The following SGCZ variants were observed in gnomAD, a reference collection of about 807,000 sequenced individuals.
SGCZ encodes the protein sarcoglycan zeta, also known as zeta-sarcoglycan.
SGCZ carries 40 observed loss-of-function variants against 41.3 expected under a neutral mutation model. The observed-to-expected ratio is 0.97, with a 90% CI of 0.75 to 1.26. SGCZ has a LOEUF of 1.26. Ranked by LOEUF, SGCZ falls within the 50% of genes most tolerant of loss-of-function variation. The pLI is 0.00. For missense variants in SGCZ, 552 were observed against 369.8 expected (o/e 1.49, Z -4.04); for synonymous variants, 206 against 137.5 (o/e 1.50, Z -3.49).
At chr8:14,525,866 T>A (rs988775216) in intron 2 of SGCZ, among the ~76,000 whole-genome samples, 1 of 152,086 alleles carries the variant, frequency 6.6e-6, no homozygotes, top group South Asian at 2.1e-4. Context: ...TCCTGGGGCA[T>A]CATTATTCAC....
At chr8:14,165,539 C>T (rs1166525394) in intron 4 of SGCZ, among the ~76,000 whole-genome samples, 1 of 152,060 alleles carries the variant, frequency 6.6e-6, no homozygotes. Context: ...AATTCATCTT[C>T]CCATAATTCA....
chr8:14,354,462 A>C (rs904673401), intron 2 of SGCZ, among the ~76,000 whole-genome samples: 1 of 151,928 alleles, frequency 6.6e-6, no homozygotes, highest in Non-Finnish European at 1.5e-5. Flanking sequence ...AACAAAAATT[A>C]GTACTCTTGT....
At chr8:14,533,083 A>G (rs556769311) in intron 2 of SGCZ, among the ~76,000 whole-genome samples, 36 of 151,974 alleles carry the variant, frequency 2.4e-4, no homozygotes, top group African/African-American at 7.5e-4. Flanking sequence ...CCATGTTGGT[A>G]TGCTGCACCC....
chr8:14,603,980 A>G (rs1462148439), intron 1 of SGCZ, among the ~76,000 whole-genome samples: 4 of 152,176 alleles, frequency 2.6e-5, no homozygotes, highest in African/African-American at 9.7e-5. Flanking sequence ...CTATGTGAAA[A>G]AAATAGCAAA....
At chr8:15,225,712 G>A (rs576109232) in intron 1 of SGCZ, among the ~76,000 whole-genome samples, 7 of 152,260 alleles carry the variant, frequency 4.6e-5, no homozygotes, top group Non-Finnish European at 8.8e-5. Flanking sequence ...AGTATGGGAT[G>A]TGACTTGCTT....
chr8:14,692,769 G>A (rs918045390), intron 1 of SGCZ, among the ~76,000 whole-genome samples: 5 of 151,932 alleles, frequency 3.3e-5, no homozygotes, highest in South Asian at 2.1e-4. Flanking sequence ...TGTATCTTTC[G>A]GAGTTCAGAG....
At chr8:14,389,556 T>C (rs553564012) in intron 2 of SGCZ, among the ~76,000 whole-genome samples, 1 of 151,694 alleles carries the variant, frequency 6.6e-6, no homozygotes, top group African/African-American at 2.4e-5. Context: ...CAACGGAATG[T>C]ATCAAACCTG....
At chr8:14,508,315 T>C (rs927180375) in intron 2 of SGCZ, among the ~76,000 whole-genome samples, 3 of 152,130 alleles carry the variant, frequency 2.0e-5, no homozygotes, top group African/African-American at 7.2e-5. Flanking sequence ...CAAAATACAT[T>C]TGTTGAATGA....
At position 14,351,354 on chromosome 8, in the gene SGCZ, G is replaced by A. The variant is rs558351926; in HGVS notation, c.235-27150C>T. Among the ~76,000 whole-genome samples the A allele has an allele frequency of 3.3e-5, 5 of 151,984 alleles. No homozygotes were observed. In the South Asian group the frequency reaches 1.0e-3, roughly 32 times the overall value. On this transcript the variant is annotated intron_variant, in intron 2 of 7. Coordinates refer to ENST00000382080, the MANE Select transcript of SGCZ (RefSeq NM_139167.4). ...AATGACAATTTTTTGGCCTAGTCTA[G>A]CATGGATAGAAATTTCTTCTTGCAG...
intron 4 of SGCZ, among the ~76,000 whole-genome samples, chr8:14,179,302 C>T (rs540989656): frequency 7.6e-4 from 115 of 152,164 alleles, no homozygotes; most frequent in Non-Finnish European, 1.4e-3. Context: ...CAATATTGCT[C>T]AATTGTTAAA....
intron 3 of SGCZ, among the ~76,000 whole-genome samples, chr8:14,269,108 T>C (rs972652369): frequency 3.5e-4 from 53 of 152,078 alleles, no homozygotes; most frequent in African/African-American, 1.0e-3. Context: ...CTCTATGATA[T>C]AGTCATAAAT....
At chr8:14,148,308 A>G (rs566568217) in intron 5 of SGCZ, among the ~76,000 whole-genome samples, 6 of 152,056 alleles carry the variant, frequency 3.9e-5, no homozygotes, top group Non-Finnish European at 7.4e-5. Flanking sequence ...CTTTAGCCAA[A>G]CTAAGAAAAA....
intron 3 of SGCZ, among the ~76,000 whole-genome samples, chr8:14,255,279 A>G (rs1193667987): frequency 1.3e-5 from 2 of 151,850 alleles, no homozygotes; most frequent in Non-Finnish European, 2.9e-5. Context: ...GATACTTTGA[A>G]CTCTTAGGTT....
intron 1 of SGCZ, among the ~76,000 whole-genome samples, chr8:14,769,454 T>G (rs924501758): frequency 6.6e-6 from 1 of 152,120 alleles, no homozygotes; most frequent in African/African-American, 2.4e-5. Context: ...AAAATCTAAT[T>G]TTATGTATCA....
chr8:14,849,181 G>A (rs1803233478), intron 1 of SGCZ, among the ~76,000 whole-genome samples: 2 of 152,080 alleles, frequency 1.3e-5, no homozygotes, highest in African/African-American at 4.8e-5. Flanking sequence ...GTGTCGACCA[G>A]TGTTAAATAT....
chr8:14,956,438 T>C (rs919369822), intron 1 of SGCZ, among the ~76,000 whole-genome samples: 2 of 152,174 alleles, frequency 1.3e-5, no homozygotes, highest in African/African-American at 4.8e-5. Flanking sequence ...AGACATTTAT[T>C]AATTTTTGAA....
At chr8:14,994,415 C>A (rs112082036) in intron 1 of SGCZ, among the ~76,000 whole-genome samples, 4 of 152,206 alleles carry the variant, frequency 2.6e-5, no homozygotes, top group African/African-American at 9.6e-5. Flanking sequence ...GAAACCCTGT[C>A]TCTACTAAAA....
chr8:14,657,996 T>C (rs1354512949), intron 1 of SGCZ, among the ~76,000 whole-genome samples: 2 of 152,218 alleles, frequency 1.3e-5, no homozygotes, highest in Non-Finnish European at 2.9e-5. Flanking sequence ...GAATGTATAA[T>C]CTAATTTAAA....
At chr8:14,553,637 A>G (rs1011861306) in intron 2 of SGCZ, among the ~76,000 whole-genome samples, 9 of 151,996 alleles carry the variant, frequency 5.9e-5, no homozygotes, top group Admixed American at 3.9e-4. Context: ...CCTTGCTCAC[A>G]TAATTGTGGT....
Sources: gnomAD v4.1 joint callset for allele counts (sites outside exome capture counted in the v4.1 genomes callset) on GRCh38, gnomAD v4.1.1 for gene constraint, MANE v1.5 for transcripts, NCBI Gene and HGNC (gene_info 2026-07-23, HGNC 2026-07-21) for gene names.